RBFOX1: variants seen among roughly 807,000 people sequenced by gnomAD.
RBFOX1 encodes RNA binding fox-1 homolog 1.
Under a neutral mutation model 57.7 loss-of-function variants are expected in RBFOX1, and 8 were observed. The ratio of observed to expected loss-of-function variants is 0.14; its 90% confidence interval spans 0.08 to 0.25. RBFOX1 has a LOEUF of 0.25. Ranked by LOEUF, RBFOX1 falls within the 10% of genes least tolerant of loss-of-function variation. RBFOX1 has a pLI of 1.00. For synonymous variants in RBFOX1, 326 were observed against 222.4 expected (o/e 1.47, Z -4.15); for missense variants, 611 against 548.5 (o/e 1.11, Z -1.14).
intron 2 of RBFOX1, among the ~76,000 whole-genome samples, chr16:6,510,990 A>G (rs950526396): frequency 1.8e-4 from 28 of 152,206 alleles, no homozygotes; most frequent in Admixed American, 2.6e-4. Context: ...GCAGCATCCA[A>G]TGCTGTCACG....
chr16:5,907,097 G>T (rs576485983), intron 4 of RBFOX1, among the ~76,000 whole-genome samples: 1 of 152,262 alleles, frequency 6.6e-6, no homozygotes, highest in Non-Finnish European at 1.5e-5. Context: ...GGAGATGGGG[G>T]TTGGAGGGGT....
chr16:6,368,730 C>G lies in RBFOX1; in HGVS notation c.-64+51673C>G, dbSNP rs561130466. ...TTATCAATTAGTCATATGTACCAGT[C>G]CATGTTTACACATGACAGGCACATC... On this transcript the variant is annotated intron_variant, in intron 2 of 15. Coordinates refer to ENST00000550418, the MANE Select transcript of RBFOX1 (RefSeq NM_018723.4). Among the ~76,000 whole-genome samples, 4 of 152,282 alleles carry G rather than the reference C, an allele frequency of 2.6e-5. No individual in the cohort carries two copies. The South Asian group carries it at 8.3e-4, about 32-fold the overall frequency.
At chr16:7,165,978 A>ATACGTACC (rs1161655595) in intron 4 of RBFOX1, among the ~76,000 whole-genome samples, 1 of 147,746 alleles carries the variant, frequency 6.8e-6, no homozygotes, top group East Asian at 2.0e-4. Flanking sequence ...ACATACATAC[A>ATACGTACC]CCCCAGATTT....
chr16:5,933,141 A>G (rs925732891), intron 4 of RBFOX1, among the ~76,000 whole-genome samples: 3 of 152,224 alleles, frequency 2.0e-5, no homozygotes, highest in African/African-American at 7.2e-5. Context: ...ATTGCTTTCA[A>G]ATAGCTGGAG....
intron 10 of RBFOX1, among the ~76,000 whole-genome samples, chr16:7,625,617 T>C (rs187960863): frequency 6.6e-6 from 1 of 152,300 alleles, no homozygotes; most frequent in African/African-American, 2.4e-5. Context: ...TTGAAGCTAA[T>C]TGGCCACTCC....
intron 4 of RBFOX1, among the ~76,000 whole-genome samples, chr16:5,913,879 A>G (rs923030987): frequency 1.3e-5 from 2 of 152,240 alleles, no homozygotes; most frequent in African/African-American, 4.8e-5. Flanking sequence ...TGGATATATG[A>G]ATGACATCTT....
intron 5 of RBFOX1, among the ~76,000 whole-genome samples, chr16:7,578,367 T>A (rs187444353): frequency 1.3e-5 from 2 of 152,226 alleles, no homozygotes; most frequent in African/African-American, 4.8e-5. Context: ...AGTCAACTGG[T>A]AGGTCTTTTG....
chr16:6,843,371 G>A (rs1223633527), intron 3 of RBFOX1, among the ~76,000 whole-genome samples: 1 of 151,966 alleles, frequency 6.6e-6, no homozygotes, highest in Non-Finnish European at 1.5e-5. Flanking sequence ...CTTACTTTTT[G>A]TATAGCCCAA....
At chr16:5,366,462 A>C in intron 1 of RBFOX1, 1 of 443,284 alleles carries the variant, frequency 2.3e-6, no homozygotes. Context: ...CATCATCAAC[A>C]CCAAGATCAA....
At chr16:7,063,453 G>C (rs992010644) in intron 4 of RBFOX1, among the ~76,000 whole-genome samples, 3 of 152,142 alleles carry the variant, frequency 2.0e-5, no homozygotes, top group Non-Finnish European at 4.4e-5. Context: ...AGGCCACTGA[G>C]AATGTTTATA....
At chr16:7,700,503 G>C (rs993760582) in intron 14 of RBFOX1, among the ~76,000 whole-genome samples, 3 of 152,182 alleles carry the variant, frequency 2.0e-5, no homozygotes, top group Admixed American at 6.5e-5. Flanking sequence ...AATCTCATAA[G>C]GGATACAATT....
intron 1 of RBFOX1, among the ~76,000 whole-genome samples, chr16:5,396,484 T>TA (rs1282430489): frequency 2.0e-5 from 3 of 151,770 alleles, no homozygotes; most frequent in South Asian, 2.1e-4. Context: ...CTACTAAAAA[T>TA]AAAAAAAATT....
rs766827645 is a variant in RBFOX1, at chr16:7,587,233, C to T, written c.415-14C>T. The T allele has an allele frequency of 2.6e-6, 4 of 1,544,062 alleles. No homozygotes were observed. The Middle Eastern group carries it at 5.3e-4, about 205-fold the overall frequency. ...TTCTCTTCTTGCTTATAAGATATTTCTATTTCTTTGCAGCAATTTGGTAAA... is the reference window on the plus strand; with the variant it reads ...TTCTCTTCTTGCTTATAAGATATTTTTATTTCTTTGCAGCAATTTGGTAAA... On this transcript the variant is annotated splice_polypyrimidine_tract_variant and intron_variant, in intron 6 of 15. Coordinates refer to ENST00000550418, the MANE Select transcript of RBFOX1 (RefSeq NM_018723.4).
At chr16:6,160,737 A>G (rs886159773) in intron 1 of RBFOX1, among the ~76,000 whole-genome samples, 2 of 152,144 alleles carry the variant, frequency 1.3e-5, no homozygotes, top group Non-Finnish European at 2.9e-5. Flanking sequence ...TGCCTCCTGC[A>G]ACTGCAGTCG....
At chr16:6,400,668 G>C (rs1345872814) in intron 2 of RBFOX1, among the ~76,000 whole-genome samples, 4 of 152,206 alleles carry the variant, frequency 2.6e-5, no homozygotes, top group Non-Finnish European at 5.9e-5. Context: ...CAAGTTACTT[G>C]AAATCAAGAG....
chr16:7,577,436 C>T (rs771047202), intron 5 of RBFOX1, among the ~76,000 whole-genome samples: 4 of 152,214 alleles, frequency 2.6e-5, no homozygotes, highest in African/African-American at 4.8e-5. Flanking sequence ...CACATCTGCA[C>T]ATGCACTGCC....
intron 3 of RBFOX1, among the ~76,000 whole-genome samples, chr16:5,758,309 C>T (rs776611258): frequency 1.1e-4 from 17 of 152,162 alleles, no homozygotes; most frequent in Admixed American, 3.3e-4. Flanking sequence ...GCCATAGTTA[C>T]CTCTCGGCTC....
intron 2 of RBFOX1, among the ~76,000 whole-genome samples, chr16:6,554,364 G>T (rs188360597): frequency 1.2e-4 from 19 of 152,282 alleles, no homozygotes; most frequent in Middle Eastern, 3.4e-3. Context: ...ATGCGAAGTA[G>T]ATTAGTAATT....
At chr16:5,573,155 G>A (rs1490413592) in intron 2 of RBFOX1, among the ~76,000 whole-genome samples, 2 of 152,158 alleles carry the variant, frequency 1.3e-5, no homozygotes, top group African/African-American at 2.4e-5. Context: ...CTCAAGTTGG[G>A]AGGACATAAT....
Sources: allele counts gnomAD v4.1 joint callset (sites outside exome capture counted in the v4.1 genomes callset), GRCh38; gene constraint gnomAD v4.1.1; transcripts MANE v1.5; gene names NCBI Gene and HGNC (gene_info 2026-07-23, HGNC 2026-07-21).